The following FHIT variants were observed in gnomAD, a reference collection of about 807,000 sequenced individuals.
FHIT encodes the protein fragile histidine triad diadenosine triphosphatase, also known as bis(5'-adenosyl)-triphosphatase.
In FHIT, 19 loss-of-function variants were observed where a neutral mutation model predicts 17.9. That is an observed-to-expected ratio of 1.06 (90% confidence interval 0.74 to 1.56). FHIT has a LOEUF of 1.56. Ranked by LOEUF, FHIT falls within the 40% of genes most tolerant of loss-of-function variation. The probability of loss-of-function intolerance (pLI) is 0.00; values close to 1 mark genes in which losing one functional copy is unlikely to be tolerated. For synonymous variants in FHIT, 81 were observed against 69.7 expected, an observed-to-expected ratio of 1.16 and a Z score of -0.81; for missense variants, 248 against 189.2, an observed-to-expected ratio of 1.31 and a Z score of -1.82.
intron 3 of FHIT, among the ~76,000 whole-genome samples, chr3:60,901,762 T>C (rs1303570143): frequency 6.6e-6 from 1 of 152,170 alleles, no homozygotes; most frequent in Non-Finnish European, 1.5e-5. Flanking sequence ...TCAGCATGTG[T>C]ACTAGGATGA....
chr3:60,865,593 T>C (rs1417593945), intron 3 of FHIT, among the ~76,000 whole-genome samples: 1 of 152,182 alleles, frequency 6.6e-6, no homozygotes, highest in Non-Finnish European at 1.5e-5. Flanking sequence ...GAAGAGAGTC[T>C]ATATCAAGAG....
chr3:59,754,634 C>T (rs528748057), intron 8 of FHIT, among the ~76,000 whole-genome samples: 3 of 152,254 alleles, frequency 2.0e-5, no homozygotes, highest in East Asian at 3.9e-4. Context: ...ACAGATCATA[C>T]CAGAGGAATC....
At chr3:60,265,225 G>C (rs534323419) in intron 5 of FHIT, among the ~76,000 whole-genome samples, 1 of 151,588 alleles carries the variant, frequency 6.6e-6, no homozygotes, top group Admixed American at 6.6e-5. Flanking sequence ...TAGTGGAGAA[G>C]GAACATACAT....
At chr3:60,868,761 C>T (rs1704272350) in intron 3 of FHIT, among the ~76,000 whole-genome samples, 1 of 152,144 alleles carries the variant, frequency 6.6e-6, no homozygotes, top group African/African-American at 2.4e-5. Flanking sequence ...AATCAAATAG[C>T]TGTTTCTGAC....
intron 3 of FHIT, among the ~76,000 whole-genome samples, chr3:60,930,495 A>G (rs1340276531): frequency 6.6e-6 from 1 of 152,240 alleles, no homozygotes; most frequent in Non-Finnish European, 1.5e-5. Context: ...TCCAGAATCT[A>G]CAAAGAATCA....
intron 2 of FHIT, among the ~76,000 whole-genome samples, chr3:61,199,742 C>T (rs1253519816): frequency 1.5e-5 from 2 of 137,318 alleles, no homozygotes; most frequent in Non-Finnish European, 1.6e-5. Flanking sequence ...ATAATTGCTG[C>T]AATAAAAATG....
chr3:60,091,604 T>C (rs1050237826), intron 5 of FHIT, among the ~76,000 whole-genome samples: 1 of 152,162 alleles, frequency 6.6e-6, no homozygotes, highest in Non-Finnish European at 1.5e-5. Flanking sequence ...GGGATTGTAA[T>C]CCTTAATGTT....
chr3:60,362,686 T>A (rs1472713394), intron 5 of FHIT, among the ~76,000 whole-genome samples: 1 of 152,210 alleles, frequency 6.6e-6, no homozygotes, highest in Non-Finnish European at 1.5e-5. Context: ...GCTGAACACC[T>A]CACCTATTCA....
At chr3:59,754,246 T>C (rs907745972) in intron 8 of FHIT, among the ~76,000 whole-genome samples, 3 of 152,186 alleles carry the variant, frequency 2.0e-5, no homozygotes, top group Admixed American at 1.3e-4. Context: ...CATTAGCATA[T>C]AACCGGGCCA....
Position 60,255,431 on chromosome 3 carries a change from A to G in FHIT, c.104-241279T>C, listed in dbSNP as rs770535625. Among the ~76,000 whole-genome samples, 65 of 152,130 alleles carry G rather than the reference A, an allele frequency of 4.3e-4. 1 individual carries two copies. Among genetic ancestry groups the G allele is most frequent in the Admixed American group, 9.8e-4 (15 of 15,272 alleles). On this transcript the variant is annotated intron_variant, in intron 5 of 9. Transcript: ENST00000492590. The stretch of plus-strand genomic sequence containing the variant: ...GGCCTGGCAGGTACTGAAAACGAGT[A>G]AAGTAGACTTGCTCTGAGGATAATA...
chr3:60,270,123 T>C (rs964803093), intron 5 of FHIT, among the ~76,000 whole-genome samples: 1 of 152,158 alleles, frequency 6.6e-6, no homozygotes, highest in Non-Finnish European at 1.5e-5. Flanking sequence ...GTATCTGTTG[T>C]GACAGCGAAG....
At chr3:60,016,574 C>A (rs527777462) in intron 5 of FHIT, among the ~76,000 whole-genome samples, 1 of 152,278 alleles carries the variant, frequency 6.6e-6, no homozygotes, top group East Asian at 1.9e-4. Flanking sequence ...TTGAAGAGTT[C>A]ACATTCTAAT....
At position 60,682,763 on chromosome 3, in the gene FHIT, C is replaced by T. The variant is rs553861115; in HGVS notation, c.-18+139156G>A. 3.3e-5 allele frequency among the ~76,000 whole-genome samples: 5 copies of T among 152,252 alleles called. No homozygotes were observed. The South Asian group carries it at 1.0e-3, about 32-fold the overall frequency. ...AGGAGTAATTTTGACTTTCAAGTCT[C>T]ATTATTTAAGAAATACATTTGTAAG... On this transcript the variant is annotated intron_variant, in intron 4 of 9. Coordinates refer to ENST00000492590, the MANE Select transcript of FHIT (RefSeq NM_002012.4).
chr3:61,151,171 C>T (rs915572009), intron 2 of FHIT, among the ~76,000 whole-genome samples: 1 of 152,188 alleles, frequency 6.6e-6, no homozygotes, highest in African/African-American at 2.4e-5. Context: ...AATCCATTCC[C>T]TATTCCCTGT....
At chr3:60,730,510 A>T (rs762253081) in intron 4 of FHIT, 70 of 189,418 alleles carry the variant, frequency 3.7e-4, no homozygotes, top group Non-Finnish European at 1.5e-4. Flanking sequence ...ACCTTCGAAG[A>T]TGAGGCCCAT....
intron 5 of FHIT, among the ~76,000 whole-genome samples, chr3:60,227,453 T>C (rs553626580): frequency 6.6e-6 from 1 of 152,314 alleles, no homozygotes; most frequent in African/African-American, 2.4e-5. Flanking sequence ...AATAGCTTGA[T>C]TCAAGTGTGT....
intron 4 of FHIT, among the ~76,000 whole-genome samples, chr3:60,804,794 T>C (rs183596637): frequency 4.6e-5 from 7 of 152,352 alleles, no homozygotes. Flanking sequence ...CACAGCCCTG[T>C]ATGACTAAAT....
intron 5 of FHIT, among the ~76,000 whole-genome samples, chr3:60,488,711 T>C (rs1418914921): frequency 6.6e-6 from 1 of 152,182 alleles, no homozygotes; most frequent in African/African-American, 2.4e-5. Context: ...TACATAAATA[T>C]TTAAGTCCAA....
intron 3 of FHIT, among the ~76,000 whole-genome samples, chr3:60,920,157 T>A (rs1302125457): frequency 6.6e-6 from 1 of 152,090 alleles, no homozygotes; most frequent in Non-Finnish European, 1.5e-5. Flanking sequence ...AATAACAGTA[T>A]CCACTATAAG....
Sources: gnomAD v4.1 joint callset for allele counts (sites outside exome capture counted in the v4.1 genomes callset) on GRCh38, gnomAD v4.1.1 for gene constraint, MANE v1.5 for transcripts, NCBI Gene and HGNC (gene_info 2026-07-23, HGNC 2026-07-21) for gene names.